BPIFB1: variants seen among roughly 807,000 people sequenced by gnomAD.
The protein encoded by BPIFB1 is BPI fold containing family B member 1.
In BPIFB1, 34 loss-of-function variants were observed where a neutral mutation model predicts 55.1. That is an observed-to-expected ratio of 0.62 (90% CI 0.47 to 0.82). BPIFB1 has a LOEUF of 0.82. BPIFB1 is among the 40% of genes least tolerant of loss of function. The probability of loss-of-function intolerance (pLI) is 0.00; values close to 1 mark genes in which losing one functional copy is unlikely to be tolerated. For synonymous variants in BPIFB1, 236 were observed against 245.3 expected, an observed-to-expected ratio of 0.96 and a Z score of 0.35; for missense variants, 532 against 593.1, an observed-to-expected ratio of 0.90 and a Z score of 1.07.
At chr20:33,297,765 C>T (rs924999154) in intron 7 of BPIFB1, 177 bp downstream of exon 7, 7 of 666,400 alleles carry the variant, frequency 1.1e-5, no homozygotes, top group South Asian at 5.0e-5. Context: ...AAATTCGCCA[C>T]GACTAGGACT....
At chr20:33,303,212 C>T in intron 11 of BPIFB1, 138 bp downstream of exon 11, 2 of 1,091,884 alleles carry the variant, frequency 1.8e-6, no homozygotes, top group East Asian at 2.5e-5. Context: ...AGCTCTGAAC[C>T]AAGAGCCAGG....
At chr20:33,307,920 A>C (rs6087474) in intron 15 of BPIFB1, 58,203 of 145,064 alleles carry the variant, frequency 0.4, 12,002 homozygotes, top group East Asian at 0.66. Flanking sequence ...TCCCCCCCCC[A>C]AAAAAAAAAG....
At chr20:33,292,925 T>C (rs1386866133) in intron 6 of BPIFB1, among the ~76,000 whole-genome samples, 1 of 152,242 alleles carries the variant, frequency 6.6e-6, no homozygotes, top group Non-Finnish European at 1.5e-5. Flanking sequence ...ATTTTTGTTT[T>C]TGTTTGTTTG....
chr20:33,307,914 C>G (rs1399386996), intron 15 of BPIFB1: 1 of 151,460 alleles, frequency 6.6e-6, no homozygotes, highest in African/African-American at 2.4e-5. Flanking sequence ...AATCCATCCC[C>G]CCCCCAAAAA....
chr20:33,286,205 C>A lies in BPIFB1; in HGVS notation c.115+17C>A. The A allele has an allele frequency of 1.9e-6, 3 of 1,610,546 alleles. No individual in the cohort carries two copies. The highest frequency in any genetic ancestry group is 2.5e-6 in the Non-Finnish European group (3 of 1,176,832). ...TCAAAGAAAGTAAGTTTTGTCCCTC[C>A]GGAGCTGGCTGCCATAAGACAAGGG... On this transcript the variant is annotated intron_variant, in intron 2 of 15. Transcript: ENST00000253354.
At chr20:33,298,409 T>C (rs1980723032) in intron 7 of BPIFB1, among the ~76,000 whole-genome samples, 1 of 152,258 alleles carries the variant, frequency 6.6e-6, no homozygotes, top group South Asian at 2.1e-4. Context: ...GAGTGGAAAC[T>C]GGCGGAGAAG....
At position 33,285,960 on chromosome 20, in the gene BPIFB1, G is replaced by A. The variant is rs146312989; in HGVS notation, c.-41-73G>A. The A allele has an allele frequency of 1.9e-4, 178 of 916,982 alleles. 1 individual carries two copies. The East Asian group carries it at 3.7e-3, about 19-fold the overall frequency. 56.8% of individuals were successfully genotyped at this position (916,982 alleles called of 1,614,324 possible). On this transcript the variant is annotated intron_variant, in intron 1 of 15. Transcript: ENST00000253354. ...CACTCAACAGCCTCTCCTGGACACC[G>A]TGCCCCAGGTCACCGGGCATCATGG...
chr20:33,305,174 G>A (rs1980981782), intron 13 of BPIFB1, among the ~76,000 whole-genome samples: 1 of 152,054 alleles, frequency 6.6e-6, no homozygotes, highest in Non-Finnish European at 1.5e-5. Context: ...AAGTGCCCTT[G>A]ACTCACAATC....
At chr20:33,297,429 A>AGGACACAGGCCAGGTGGGCT in intron 6 of BPIFB1, 96 bp from the exon 7 acceptor site, 2 of 1,340,642 alleles carry the variant, frequency 1.5e-6, no homozygotes, top group South Asian at 1.2e-5. Context: ...GCACAGCAGT[A>AGGACACAGGCCAGGTGGGCT]GGACACAGGC....
intron 8 of BPIFB1, among the ~76,000 whole-genome samples, chr20:33,300,736 G>A (rs368549540): frequency 3.9e-5 from 6 of 152,070 alleles, no homozygotes; most frequent in Non-Finnish European, 7.4e-5. Context: ...GCAGGCACTC[G>A]CCACCACGCC....
chr20:33,289,396 A>AC (rs1228110510), intron 3 of BPIFB1, among the ~76,000 whole-genome samples: 58 of 91,308 alleles, frequency 6.4e-4, no homozygotes, highest in African/African-American at 2.6e-3. Flanking sequence ...AAAAAAAAAC[A>AC]AAAAAAAAAA....
At position 33,288,895 on chromosome 20, in the gene BPIFB1, G is replaced by A. The variant is rs367680625; in HGVS notation, c.257+13G>A. The A allele has an allele frequency of 1.9e-6, 3 of 1,609,982 alleles. No individual in the cohort carries two copies. The highest frequency in any genetic ancestry group is 2.7e-5 in the African/African-American group (2 of 74,912). On this transcript the variant is annotated intron_variant, in intron 3 of 15. Coordinates refer to ENST00000253354, the MANE Select transcript of BPIFB1 (RefSeq NM_033197.3). Reference sequence around the variant, plus strand: ...AGCACATCATCTGGTGAGTGGAGCAGGACCACACCAGGAGCTAGCCCCTTC... The same window carrying A: ...AGCACATCATCTGGTGAGTGGAGCAAGACCACACCAGGAGCTAGCCCCTTC...
intron 2 of BPIFB1, among the ~76,000 whole-genome samples, chr20:33,288,459 A>G (rs1283007030): frequency 6.6e-6 from 1 of 152,128 alleles, no homozygotes; most frequent in Non-Finnish European, 1.5e-5. Flanking sequence ...TGCTGAGTGC[A>G]GTGGCCGACA....
rs762184843 is a variant in BPIFB1, at chr20:33,286,189, G to C, written c.115+1G>C. On this transcript the variant is annotated splice_donor_variant, in intron 2 of 15. Transcript: ENST00000253354. LOFTEE classifies it high-confidence loss of function. ...CTCGGCCCAAAAGTCATCAAAGAAA[G>C]TAAGTTTTGTCCCTCCGGAGCTGGC... is the stretch of plus-strand genomic sequence containing the variant. 6.2e-7 allele frequency: 1 copy of C among 1,614,074 alleles called. No individual in the cohort carries two copies. The highest frequency in any genetic ancestry group is 1.7e-5 in the Admixed American group (1 of 60,020).
At chr20:33,300,138 G>A (rs986926374) in intron 8 of BPIFB1, among the ~76,000 whole-genome samples, 154 bp downstream of exon 8, 2 of 152,182 alleles carry the variant, frequency 1.3e-5, no homozygotes, top group African/African-American at 4.8e-5. Context: ...GGCTGAATAT[G>A]TCCCATGCAA....
chr20:33,304,300 C>T (rs981971779), intron 12 of BPIFB1, among the ~76,000 whole-genome samples: 6 of 152,270 alleles, frequency 3.9e-5, no homozygotes, highest in Admixed American at 6.5e-5. Flanking sequence ...GACAGTCACC[C>T]GGCACAGAAG....
At position 33,303,745 on chromosome 20, in the gene BPIFB1, G is replaced by A. The variant is rs541581801; in HGVS notation, c.1141-213G>A. On this transcript the variant is annotated intron_variant, in intron 11 of 15. Transcript: ENST00000253354. ...ATCGTCATCATTATCATTCCCCACAGCAAGCCTAGACTGTCATCTGTTAAA... is the reference window on the plus strand; with the variant it reads ...ATCGTCATCATTATCATTCCCCACAACAAGCCTAGACTGTCATCTGTTAAA... Among the ~76,000 whole-genome samples, 8 of 152,250 alleles carry A rather than the reference G, an allele frequency of 5.3e-5. No individual in the cohort carries two copies. The South Asian group carries it at 1.5e-3, about 28-fold the overall frequency.
intron 9 of BPIFB1, 118 bp downstream of exon 9, chr20:33,301,530 A>C (rs1600668380): frequency 1.1e-5 from 10 of 906,150 alleles, no homozygotes; most frequent in South Asian, 1.8e-5. Flanking sequence ...TGGAGATCTC[A>C]CTCCCTCCTC....
At chr20:33,303,770 A>G (rs780826578) in intron 11 of BPIFB1, among the ~76,000 whole-genome samples, 188 bp from the exon 12 acceptor site, 1 of 152,106 alleles carries the variant, frequency 6.6e-6, no homozygotes, top group East Asian at 1.9e-4. Context: ...CATCTGTTAA[A>G]TGGGGAGTGG....
Sources: gnomAD v4.1 joint callset for allele counts (sites outside exome capture counted in the v4.1 genomes callset) on GRCh38, gnomAD v4.1.1 for gene constraint, MANE v1.5 for transcripts, NCBI Gene and HGNC (gene_info 2026-07-23, HGNC 2026-07-21) for gene names.